The following USH2A variants were observed in gnomAD, a reference collection of about 807,000 sequenced individuals.
USH2A encodes the protein Usher syndrome 2A (autosomal recessive, mild).
A neutral mutation model predicts 538.9 loss-of-function variants in USH2A; 443 were observed. That is an observed-to-expected ratio of 0.82 (90% confidence interval 0.76 to 0.89). The LOEUF (loss-of-function observed/expected upper bound fraction) is 0.89. Ranked by LOEUF, USH2A falls within the 40% of genes least tolerant of loss-of-function variation. The probability of loss-of-function intolerance (pLI) is 0.00; values close to 1 mark genes in which losing one functional copy is unlikely to be tolerated. For missense variants in USH2A, 6,633 were observed against 6,324.8 expected, an observed-to-expected ratio of 1.05 and a Z score of -1.65; for synonymous variants, 2,413 against 2,273.5, an observed-to-expected ratio of 1.06 and a Z score of -1.75.
At chr1:215,861,288 TTCA>T (rs1664305129) in intron 44 of USH2A, among the ~76,000 whole-genome samples, 1 of 152,240 alleles carries the variant, frequency 6.6e-6, no homozygotes, top group Non-Finnish European at 1.5e-5. Context: ...ATATTAATTA[TTCA>T]TCATTTTATA....
At chr1:216,246,475 T>A in intron 13 of USH2A, 110 bp downstream of exon 13, 1 of 1,404,300 alleles carries the variant, frequency 7.1e-7, no homozygotes. Flanking sequence ...ACAGTAATGA[T>A]TTTGGAAATA....
At chr1:216,175,921 C>T (rs531034239) in intron 20 of USH2A, among the ~76,000 whole-genome samples, 1 of 152,078 alleles carries the variant, frequency 6.6e-6, no homozygotes, top group African/African-American at 2.4e-5. Flanking sequence ...TGAGTAAGAG[C>T]TGCCTCACCC....
At chr1:216,156,699 C>T (rs957823298) in intron 21 of USH2A, among the ~76,000 whole-genome samples, 2 of 152,022 alleles carry the variant, frequency 1.3e-5, no homozygotes, top group South Asian at 2.1e-4. Flanking sequence ...ACTAAAGTGT[C>T]TCTGCACACA....
intron 61 of USH2A, among the ~76,000 whole-genome samples, chr1:215,688,765 C>A (rs1658511480): frequency 6.6e-6 from 1 of 152,022 alleles, no homozygotes; most frequent in South Asian, 2.1e-4. Flanking sequence ...TATGACCTTA[C>A]TTAAGCTTAA....
rs778840958 is a variant in USH2A, at chr1:216,083,516, AG to A, written c.5237del (p.Thr1746MetfsTer4). On this transcript the variant is annotated frameshift_variant, in exon 26 of 72. Transcript: ENST00000307340. LOFTEE classifies it high-confidence loss of function. Reference protein sequence around the residue: ...MNFEISFKFRTDQLNGLLLFV... With the variant: ...MNFEISFKFRXDQLNGLLLFV... ...AAAGAAGCAATCCATTTAATTGGTC[AG>A]TTCTGAACTTAAAGGAAATCTCAAA... is the stretch of plus-strand genomic sequence containing the variant. 1 of 1,612,462 alleles carries A rather than the reference AG, an allele frequency of 6.2e-7. No homozygotes were observed. The highest frequency in any genetic ancestry group is 8.5e-7 in the Non-Finnish European group (1 of 1,179,152).
chr1:215,975,281 G>A (rs1240226835), intron 35 of USH2A, among the ~76,000 whole-genome samples: 2 of 152,074 alleles, frequency 1.3e-5, no homozygotes, highest in African/African-American at 2.4e-5. Context: ...TAATTTGTCT[G>A]TTTACTCTGT....
chr1:216,230,982 CA>C (rs2035666495), intron 14 of USH2A, among the ~76,000 whole-genome samples: 2 of 150,442 alleles, frequency 1.3e-5, no homozygotes, highest in African/African-American at 4.9e-5. Context: ...TGAGTGAAGG[CA>C]AATGGCCACA....
chr1:215,838,186 T>C (rs1415306645), intron 46 of USH2A, 83 bp from the exon 47 acceptor site: 6 of 1,087,228 alleles, frequency 5.5e-6, no homozygotes, highest in Admixed American at 1.7e-5. Flanking sequence ...CCTTCCCTCA[T>C]TTCACATGAA....
chr1:215,821,367 A>G (rs567918612), intron 47 of USH2A, among the ~76,000 whole-genome samples: 3 of 151,600 alleles, frequency 2.0e-5, no homozygotes, highest in Non-Finnish European at 4.4e-5. Context: ...TTTTTCATAT[A>G]CCTGTTGGCC....
chr1:216,152,699 G>A (rs558095400), intron 21 of USH2A, among the ~76,000 whole-genome samples: 4 of 152,264 alleles, frequency 2.6e-5, no homozygotes, highest in African/African-American at 9.6e-5. Flanking sequence ...AATCCTGTAA[G>A]AGCAGGGAAC....
intron 35 of USH2A, among the ~76,000 whole-genome samples, chr1:215,974,180 G>T (rs11120705): frequency 0.16 from 24,034 of 151,946 alleles, 2,163 homozygotes; most frequent in African/African-American, 0.24. Flanking sequence ...TTAATAAGCG[G>T]TAAGTCTAAA....
At chr1:216,299,094 G>A (rs1439671020) in intron 9 of USH2A, among the ~76,000 whole-genome samples, 1 of 151,870 alleles carries the variant, frequency 6.6e-6, no homozygotes, top group East Asian at 1.9e-4. Flanking sequence ...CACCCGCCTC[G>A]GCCTCCCAAA....
rs919807981 is a variant in USH2A, at chr1:215,623,378, G to T, written c.*2403C>A. The T allele has an allele frequency of 6.6e-6, 1 of 152,044 alleles. No homozygotes were observed. The highest frequency in any genetic ancestry group is 6.6e-5 in the Admixed American group (1 of 15,242). 9.4% of individuals were successfully genotyped at this position (152,044 alleles called of 1,614,324 possible). A position where few individuals can be genotyped will look rare whatever the true frequency, so the allele number is the denominator to read the frequency against. On this transcript the variant is annotated 3_prime_UTR_variant, in exon 72 of 72. Coordinates refer to ENST00000307340, the MANE Select transcript of USH2A (RefSeq NM_206933.4). The stretch of plus-strand genomic sequence containing the variant: ...TTATTCCTGTACATGATTTCTTCCA[G>T]ATTGTGGAACATCAGTGGGTCTCAA...
intron 21 of USH2A, among the ~76,000 whole-genome samples, chr1:216,171,796 T>G (rs1237240378): frequency 6.6e-6 from 1 of 152,084 alleles, no homozygotes; most frequent in East Asian, 1.9e-4. Flanking sequence ...CTAATTACAT[T>G]TAGCTAATAA....
intron 9 of USH2A, among the ~76,000 whole-genome samples, chr1:216,302,457 C>T (rs909794932): frequency 5.9e-5 from 9 of 152,070 alleles, no homozygotes; most frequent in African/African-American, 1.9e-4. Context: ...AGAAATGCCA[C>T]GTGTTTATCC....
intron 3 of USH2A, among the ~76,000 whole-genome samples, chr1:216,405,075 C>T (rs930263332): frequency 5.3e-5 from 8 of 152,162 alleles, no homozygotes; most frequent in Non-Finnish European, 1.0e-4. Flanking sequence ...AGGCTGGTCT[C>T]GAAGTCCTGG....
chr1:215,956,683 G>A (rs531153405), intron 37 of USH2A, among the ~76,000 whole-genome samples: 1 of 152,020 alleles, frequency 6.6e-6, no homozygotes, highest in Non-Finnish European at 1.5e-5. Context: ...TTACATCGCC[G>A]CCTCAACAGA....
intron 38 of USH2A, among the ~76,000 whole-genome samples, chr1:215,924,436 G>A (rs1055002450): frequency 1.3e-5 from 2 of 151,972 alleles, no homozygotes; most frequent in Admixed American, 1.3e-4. Flanking sequence ...TATATAGGCA[G>A]GTAAATGTTC....
intron 50 of USH2A, 90 bp from the exon 51 acceptor site, chr1:215,790,372 C>G: frequency 6.9e-7 from 1 of 1,446,176 alleles, no homozygotes; most frequent in Non-Finnish European, 9.6e-7. Flanking sequence ...AAATGTCAGG[C>G]TCAGGCAGTT....
Sources: gnomAD v4.1 joint callset for allele counts (sites outside exome capture counted in the v4.1 genomes callset) on GRCh38, gnomAD v4.1.1 for gene constraint, MANE v1.5 for transcripts, NCBI Gene and HGNC (gene_info 2026-07-23, HGNC 2026-07-21) for gene names.